ADGRV1: variants seen among roughly 807,000 people sequenced by gnomAD.
ADGRV1 encodes G-protein coupled receptor 98.
A neutral mutation model predicts 596.2 loss-of-function variants in ADGRV1; 359 were observed. That is an observed-to-expected ratio of 0.60 (90% CI 0.55 to 0.66). The LOEUF (loss-of-function observed/expected upper bound fraction) is 0.66. ADGRV1 is among the 30% of genes least tolerant of loss of function. The pLI is 0.00. For missense variants in ADGRV1, 7,274 were observed against 7,575.6 expected, an observed-to-expected ratio of 0.96 and a Z score of 1.48; for synonymous variants, 2,681 against 2,679.2, an observed-to-expected ratio of 1.00 and a Z score of -0.02.
intron 50 of ADGRV1, among the ~76,000 whole-genome samples, chr5:90,744,142 C>T (rs1580972274): frequency 6.6e-6 from 1 of 152,108 alleles, no homozygotes; most frequent in African/African-American, 2.4e-5. Context: ...GTGCTTGCCA[C>T]CATGCCTGGC....
chr5:90,581,600 ATCCT>A (rs1251855645), intron 1 of ADGRV1, among the ~76,000 whole-genome samples: 1 of 152,098 alleles, frequency 6.6e-6, no homozygotes, highest in Admixed American at 6.5e-5. Flanking sequence ...TTGTTGCCTG[ATCCT>A]TCCTCTGGAA....
At chr5:90,631,255 C>T (rs1406816724) in intron 9 of ADGRV1, among the ~76,000 whole-genome samples, 1 of 152,064 alleles carries the variant, frequency 6.6e-6, no homozygotes, top group East Asian at 1.9e-4. Flanking sequence ...TACAACTGTT[C>T]CTTGGTGTTC....
At chr5:91,048,866 C>T (rs1354248204) in intron 85 of ADGRV1, among the ~76,000 whole-genome samples, 3 of 152,210 alleles carry the variant, frequency 2.0e-5, no homozygotes, top group African/African-American at 7.2e-5. Flanking sequence ...AAAAAAGATA[C>T]AGCTTTTTTT....
chr5:91,069,445 A>C (rs1482046767), intron 85 of ADGRV1, among the ~76,000 whole-genome samples: 1 of 152,182 alleles, frequency 6.6e-6, no homozygotes, highest in African/African-American at 2.4e-5. Flanking sequence ...AAATGTAGAC[A>C]AAAAACATGA....
At chr5:90,963,883 C>T (rs1373872859) in intron 83 of ADGRV1, among the ~76,000 whole-genome samples, 1 of 150,596 alleles carries the variant, frequency 6.6e-6, no homozygotes, top group Non-Finnish European at 1.5e-5. Flanking sequence ...GATTAATTTA[C>T]AGGCAATATC....
chr5:90,774,288 A>C lies in ADGRV1; in HGVS notation c.12388A>C (p.Ile4130Leu), dbSNP rs1169604774. The change falls in exon 60 of 90, where the codon ATA (isoleucine) becomes CTA (leucine). Residue 4130 changes from isoleucine to leucine, a missense_variant. Ile to Leu is a conservative substitution (Grantham distance 5). Transcript: ENST00000405460. Reference protein sequence around the residue: ...IQLISIDEVEISPVKGSASII... With the variant: ...IQLISIDEVELSPVKGSASII... ...GCTGATATCAATTGATGAGGTAGAA[A>C]TATCTCCAGTAAAAGGTAAGAGAAA... 1.3e-6 allele frequency: 2 copies of C among 1,547,142 alleles called. No homozygotes were observed. Among genetic ancestry groups the C allele is most frequent in the East Asian group, 2.2e-5 (1 of 44,506 alleles).
In ADGRV1 at chr5:90,627,585, C is replaced by T; in HGVS notation, c.1047C>T (p.Asp349=). 1 of 1,613,808 alleles carries T rather than the reference C, an allele frequency of 6.2e-7. No individual in the cohort carries two copies. Among genetic ancestry groups the T allele is most frequent in the South Asian group, 1.1e-5 (1 of 91,064 alleles). Residue 349 remains aspartate (D), a synonymous_variant, in exon 7 of 90, where the codon GAC becomes GAT. Transcript: ENST00000405460. ...ACTTGAAATTTCAAATAGTTGATGACACCATACCGGAGATTGCTGAATCGT... is the reference window on the plus strand; with the variant it reads ...ACTTGAAATTTCAAATAGTTGATGATACCATACCGGAGATTGCTGAATCGT... ...ESHLKFQIVD[D]TIPEIAESFH...
At chr5:90,719,310 G>A (rs1580857259) in intron 43 of ADGRV1, among the ~76,000 whole-genome samples, 2 of 149,014 alleles carry the variant, frequency 1.3e-5, no homozygotes, top group South Asian at 2.2e-4. Context: ...GACAGCACAA[G>A]ACTCTGTCTC....
chr5:90,866,018 T>G (rs1341263131), intron 83 of ADGRV1, among the ~76,000 whole-genome samples: 1 of 152,152 alleles, frequency 6.6e-6, no homozygotes. Context: ...CTGTGGTTCT[T>G]TAGCTAAGAG....
chr5:90,636,125 A>G (rs1339035550), intron 10 of ADGRV1, among the ~76,000 whole-genome samples: 1 of 151,966 alleles, frequency 6.6e-6, no homozygotes, highest in African/African-American at 2.4e-5. Flanking sequence ...GACATACAAA[A>G]CGTTCACATG....
chr5:90,628,666 A>T lies in ADGRV1; in HGVS notation c.1343A>T (p.Asp448Val). Residue 448 changes from aspartate (D) to valine (V), a missense_variant, in exon 8 of 90, where the codon GAT (aspartate) becomes GTT (valine). Physicochemically the swap from Asp to Val is radical, Grantham distance 152. Transcript: ENST00000405460. ...ACTGATCCCTCACCAGTAACAGCAG[A>T]TATCAGACCGAGCTCTGGAGTTCTC... ...NSTDPSPVTA[D>V]IRPSSGVLHF... The T allele has an allele frequency of 1.2e-6, 2 of 1,614,044 alleles. No homozygotes were observed. The highest frequency in any genetic ancestry group is 1.7e-6 in the Non-Finnish European group (2 of 1,179,890).
chr5:90,854,778 G>A (rs934670576), intron 81 of ADGRV1, among the ~76,000 whole-genome samples: 4 of 152,122 alleles, frequency 2.6e-5, no homozygotes, highest in Non-Finnish European at 5.9e-5. Flanking sequence ...GGCCTAGAAG[G>A]GTCTAGGGTT....
intron 83 of ADGRV1, among the ~76,000 whole-genome samples, chr5:90,870,515 A>G (rs1027718585): frequency 2.0e-5 from 3 of 152,220 alleles, no homozygotes; most frequent in African/African-American, 7.2e-5. Context: ...AAGGTTTCAA[A>G]TGGAAAGATT....
intron 58 of ADGRV1, 170 bp downstream of exon 58, chr5:90,759,758 G>C: frequency 1.6e-6 from 1 of 623,206 alleles, no homozygotes; most frequent in South Asian, 1.7e-5. Context: ...GAGGTCAGGA[G>C]ATTGACACCA....
In ADGRV1 at chr5:90,962,134, A is replaced by G. The variant is rs146876048; in HGVS notation, c.17857-3281A>G. 2.5e-3 allele frequency among the ~76,000 whole-genome samples: 388 copies of G among 152,364 alleles called. 1 individual carries two copies. Among genetic ancestry groups the G allele is most frequent in the Non-Finnish European group, 4.1e-3 (276 of 68,034 alleles). On this transcript the variant is annotated intron_variant, in intron 83 of 89. Coordinates refer to ENST00000405460, the MANE Select transcript of ADGRV1 (RefSeq NM_032119.4). ...GACCTTTAAACATGTTAATTATCCT[A>G]TAGTTCTTCCTTCGTTATTTACTAA...
At chr5:91,029,588 G>T (rs1055507628) in intron 85 of ADGRV1, among the ~76,000 whole-genome samples, 2 of 152,122 alleles carry the variant, frequency 1.3e-5, no homozygotes, top group East Asian at 3.9e-4. Context: ...AACATAACCA[G>T]CCATGTTGAA....
chr5:90,931,939 A>T (rs1775286516), intron 83 of ADGRV1, among the ~76,000 whole-genome samples: 1 of 152,222 alleles, frequency 6.6e-6, no homozygotes. Flanking sequence ...CCATAAGAGC[A>T]GAGGCACAAA....
chr5:90,727,610 T>C (rs1175468161), intron 48 of ADGRV1, among the ~76,000 whole-genome samples: 2 of 152,236 alleles, frequency 1.3e-5, no homozygotes, highest in Admixed American at 6.5e-5. Flanking sequence ...TTATTTAATA[T>C]GGGCTTAACA....
chr5:91,073,742 G>C (rs1027763505), intron 86 of ADGRV1, among the ~76,000 whole-genome samples: 1 of 152,168 alleles, frequency 6.6e-6, no homozygotes, highest in Non-Finnish European at 1.5e-5. Flanking sequence ...CTGTCACCCA[G>C]CTTGGAGTGC....
Sources: gnomAD v4.1 joint callset for allele counts (sites outside exome capture counted in the v4.1 genomes callset) on GRCh38, gnomAD v4.1.1 for gene constraint, MANE v1.5 for transcripts, NCBI Gene and HGNC (gene_info 2026-07-23, HGNC 2026-07-21) for gene names.